Variants in NYAP2 observed in about 807,000 individuals in gnomAD.
The protein encoded by NYAP2 is neuronal tyrosine-phosphorylated phosphoinositide-3-kinase adaptor 2.
Under a neutral mutation model 50.4 loss-of-function variants are expected in NYAP2, and 23 were observed. The observed-to-expected ratio is 0.46, with a 90% CI of 0.33 to 0.65. The LOEUF (loss-of-function observed/expected upper bound fraction) is 0.65. Ranked by LOEUF, NYAP2 falls within the 30% of genes least tolerant of loss-of-function variation. The pLI is 0.02. For missense variants in NYAP2, 885 were observed against 861.0 expected (o/e 1.03, Z -0.35); for synonymous variants, 394 against 365.2 (o/e 1.08, Z -0.90).
At chr2:225,679,179 T>C in the NYAP2 span, among the ~76,000 whole-genome samples, 1 of 138,690 alleles carries the variant, frequency 7.2e-6, no homozygotes, top group African/African-American at 2.5e-5. Flanking sequence ...TTTTGAGGAA[T>C]GCCTTATAAA....
At chr2:225,612,238 C>G (rs1359566161) in intron 5 of NYAP2, among the ~76,000 whole-genome samples, 1 of 151,026 alleles carries the variant, frequency 6.6e-6, no homozygotes, top group Non-Finnish European at 1.5e-5. Context: ...CATTATACCA[C>G]TCTTCCTGTT....
chr2:225,421,737 G>C (rs182602273), intron 3 of NYAP2, among the ~76,000 whole-genome samples: 4 of 152,322 alleles, frequency 2.6e-5, no homozygotes, highest in Admixed American at 2.6e-4. Context: ...TGAAGCAAAG[G>C]GTTAAGAGAT....
At chr2:225,535,861 C>T (rs1294235321) in intron 4 of NYAP2, among the ~76,000 whole-genome samples, 1 of 152,106 alleles carries the variant, frequency 6.6e-6, no homozygotes, top group Non-Finnish European at 1.5e-5. Flanking sequence ...CCATTCCTTC[C>T]TTACTGGGAA....
intron 4 of NYAP2, among the ~76,000 whole-genome samples, chr2:225,539,450 A>G (rs1440362882): frequency 6.6e-6 from 1 of 152,202 alleles, no homozygotes; most frequent in East Asian, 1.9e-4. Flanking sequence ...GAACTAATTT[A>G]TACTCCCATT....
At chr2:225,645,775 T>C (rs12694676) in intron 6 of NYAP2, among the ~76,000 whole-genome samples, 27,033 of 152,180 alleles carry the variant, frequency 0.18, 2,806 homozygotes, top group East Asian at 0.42. Context: ...TGGCAATTAT[T>C]CTATTAAAAT....
intron 3 of NYAP2, among the ~76,000 whole-genome samples, chr2:225,460,494 T>C (rs1287853294): frequency 6.6e-6 from 1 of 152,210 alleles, no homozygotes; most frequent in Non-Finnish European, 1.5e-5. Context: ...TCTCTAATCT[T>C]GATATTTCTC....
chr2:225,470,059 TCTGG>T (rs1689988014), intron 3 of NYAP2, among the ~76,000 whole-genome samples: 1 of 152,170 alleles, frequency 6.6e-6, no homozygotes, highest in Non-Finnish European at 1.5e-5. Context: ...ACAGGCCTGT[TCTGG>T]AGATTTCACA....
intron 3 of NYAP2, among the ~76,000 whole-genome samples, chr2:225,465,205 A>G (rs1689897599): frequency 6.6e-6 from 1 of 152,138 alleles, no homozygotes; most frequent in African/African-American, 2.4e-5. Flanking sequence ...TTTCTTTGCC[A>G]CTGGGACAAA....
At chr2:225,641,825 TA>T (rs1231127038) in intron 6 of NYAP2, among the ~76,000 whole-genome samples, 2 of 149,478 alleles carry the variant, frequency 1.3e-5, no homozygotes, top group African/African-American at 4.9e-5. Flanking sequence ...TCTCAAAAAA[TA>T]AAAAAAGAAA....
chr2:225,450,503 T>C lies in NYAP2; in HGVS notation c.221+41402T>C, dbSNP rs140112538. ...CACCCGGAAAGGCAGAAGAAGATAG[T>C]GGTGAACAAAACACACTTCCTGGAG... is the stretch of plus-strand genomic sequence containing the variant. On this transcript the variant is annotated intron_variant, in intron 3 of 6. Coordinates refer to ENST00000636099, the Ensembl canonical transcript of NYAP2. 2.0e-5 allele frequency among the ~76,000 whole-genome samples: 3 copies of C among 152,280 alleles called. No individual in the cohort carries two copies. The East Asian group carries it at 5.8e-4, about 29-fold the overall frequency.
the NYAP2 span, among the ~76,000 whole-genome samples, chr2:225,697,884 GT>G: frequency 2.8e-4 from 43 of 151,916 alleles, no homozygotes; most frequent in African/African-American, 9.9e-4. Flanking sequence ...TATCTTCAGA[GT>G]TTTTGGACTG....
At chr2:225,479,659 T>A (rs564889486) in intron 3 of NYAP2, among the ~76,000 whole-genome samples, 3 of 152,060 alleles carry the variant, frequency 2.0e-5, no homozygotes, top group Admixed American at 6.5e-5. Flanking sequence ...TTTTTTTTTT[T>A]AAATCCACCA....
chr2:225,617,992 C>T (rs1412150325), intron 5 of NYAP2, among the ~76,000 whole-genome samples: 1 of 152,138 alleles, frequency 6.6e-6, no homozygotes, highest in African/African-American at 2.4e-5. Context: ...GCTTGTGATC[C>T]AACGGGGGCA....
chr2:225,527,777 A>G (rs1341943156), intron 4 of NYAP2, among the ~76,000 whole-genome samples: 1 of 152,110 alleles, frequency 6.6e-6, no homozygotes, highest in Non-Finnish European at 1.5e-5. Context: ...CCTCTCAAGT[A>G]GCTTGGACTA....
intron 3 of NYAP2, among the ~76,000 whole-genome samples, chr2:225,423,769 C>A (rs1695249368): frequency 6.6e-6 from 1 of 152,186 alleles, no homozygotes; most frequent in African/African-American, 2.4e-5. Context: ...CATGTGCCAA[C>A]TAGCAACTCT....
exon 7 of NYAP2, chr2:225,653,828 GC>G (rs1398444682): frequency 2.6e-5 from 4 of 152,154 alleles, no homozygotes; most frequent in Non-Finnish European, 5.9e-5. Context: ...GACCATCCTG[GC>G]TAACACGGTG....
chr2:225,452,202 A>G (rs939285109), intron 3 of NYAP2, among the ~76,000 whole-genome samples: 23 of 152,312 alleles, frequency 1.5e-4, no homozygotes, highest in African/African-American at 4.1e-4. Flanking sequence ...TGCTTAGACT[A>G]AGTCCTTTAA....
chr2:225,620,165 G>T (rs1479767361), intron 5 of NYAP2, among the ~76,000 whole-genome samples: 1 of 152,168 alleles, frequency 6.6e-6, no homozygotes, highest in Non-Finnish European at 1.5e-5. Context: ...AAGACATTGA[G>T]ATATATGGAT....
chr2:225,689,213 T>G, the NYAP2 span, among the ~76,000 whole-genome samples: 2 of 152,164 alleles, frequency 1.3e-5, no homozygotes, highest in Non-Finnish European at 2.9e-5. Context: ...CACTATAGAT[T>G]GAAGCATTAG....
Sources: gnomAD v4.1 joint callset for allele counts (sites outside exome capture counted in the v4.1 genomes callset) on GRCh38, gnomAD v4.1.1 for gene constraint, MANE v1.5 for transcripts, NCBI Gene and HGNC (gene_info 2026-07-23, HGNC 2026-07-21) for gene names.